LIME1: variants seen among roughly 807,000 people sequenced by gnomAD.
The protein encoded by LIME1 is lck-interacting transmembrane adapter 1.
In LIME1, 23 loss-of-function variants were observed where a neutral mutation model predicts 18.8. That is an observed-to-expected ratio of 1.22 (90% CI 0.88 to 1.73). The LOEUF (loss-of-function observed/expected upper bound fraction) is 1.73, where lower values mean the gene tolerates loss of function less well. Among genes scored for constraint, LIME1 ranks in the 40% most tolerant of loss-of-function variants. The pLI is 0.00. For synonymous variants in LIME1, 177 were observed against 182.3 expected, an observed-to-expected ratio of 0.97 and a Z score of 0.23; for missense variants, 423 against 396.8, an observed-to-expected ratio of 1.07 and a Z score of -0.56.
chr20:63,736,193 GCA>G, upstream of LIME1: 1 of 282,216 alleles, frequency 3.5e-6, no homozygotes, highest in Non-Finnish European at 6.5e-6. Flanking sequence ...AAGGGTCTGT[GCA>G]GGGCTGTGGT....
At chr20:63,737,442 C>T in intron 1 of LIME1, 91 bp from the exon 2 acceptor site, 2 of 1,385,346 alleles carry the variant, frequency 1.4e-6, no homozygotes, top group East Asian at 3.0e-5. Context: ...GACGCAGGAG[C>T]CCCGCAGCCG....
Position 63,736,731 on chromosome 20 carries a change from G to A in LIME1, c.-18+19G>A, listed in dbSNP as rs1441935732. On this transcript the variant is annotated intron_variant, in intron 1 of 5. Transcript: ENST00000309546. ...GGGCTTGGTAAGTGCCCTCCTGGGG[G>A]GCAGCTGGGGTCTGGGAGGCCTTGG... is the stretch of plus-strand genomic sequence containing the variant. 1.0e-6 allele frequency: 1 copy of A among 985,772 alleles called. No homozygotes were observed. The allele number at this position is 985,772 out of a possible 1,614,324, so 61.1% of individuals were successfully genotyped here. A position where few individuals can be genotyped will look rare whatever the true frequency, so the allele number is the denominator to read the frequency against.
chr20:63,736,068 CACTT>C, upstream of LIME1: 2 of 1,131,874 alleles, frequency 1.8e-6, no homozygotes, highest in Non-Finnish European at 2.5e-6. Flanking sequence ...CCCATCTGGA[CACTT>C]ACTTGCCCAC....
chr20:63,737,951 G>A (rs1475741624), intron 3 of LIME1, 22 bp from the exon 4 acceptor site: 3 of 1,570,516 alleles, frequency 1.9e-6, no homozygotes, highest in South Asian at 2.3e-5. Flanking sequence ...GCAGGGCACC[G>A]ACCAGCCTTC....
In LIME1 at chr20:63,737,566, C is replaced by T; in HGVS notation, c.17C>T (p.Ser6Phe). The T allele has an allele frequency of 6.3e-7, 1 of 1,597,246 alleles. No individual in the cohort carries two copies. Among genetic ancestry groups the T allele is most frequent in the South Asian group, 1.1e-5 (1 of 88,470 alleles). Residue 6 changes from serine (S) to phenylalanine (F), a missense_variant, in exon 2 of 6, where the codon TCC becomes TTC. Physicochemically the swap from Ser to Phe is radical, Grantham distance 155 (BLOSUM62 -2). Transcript: ENST00000309546. MGLPV[S>F]WAPPALWVLG... ...CTTCACAGGATGGGGCTGCCAGTGT[C>T]CTGGGCCCCTCCTGCCCTCTGGGTT...
chr20:63,738,646 G>A lies in LIME1; in HGVS notation c.634G>A (p.Gly212Arg). ...RVCKPKRRDP[G>R]PTTDPLDPKG... ...CTGCAAGCCTAAAAGGAGGGACCCA[G>A]GACCCACCACAGACCCGCTGGACCC... Residue 212 changes from glycine to arginine, a missense_variant, in exon 6 of 6, where the codon GGA (glycine) becomes AGA (arginine). Physicochemically the swap from Gly to Arg is moderately radical, Grantham distance 125. Coordinates refer to ENST00000309546, the MANE Select transcript of LIME1 (RefSeq NM_017806.4). The A allele has an allele frequency of 6.2e-7, 1 of 1,608,910 alleles. No homozygotes were observed. Among genetic ancestry groups the A allele is most frequent in the Non-Finnish European group, 8.5e-7 (1 of 1,178,068 alleles).
At chr20:63,737,753 G>A in intron 2 of LIME1, 68 bp from the exon 3 acceptor site, 5 of 1,411,330 alleles carry the variant, frequency 3.5e-6, no homozygotes, top group Middle Eastern at 5.1e-4. Context: ...CTCGGCACGC[G>A]CGCCTGCACC....
rs765891367 is a variant in LIME1, at chr20:63,738,725, TC to T, written c.716del (p.Pro239ArgfsTer45). 8 of 1,612,916 alleles carry T rather than the reference TC, an allele frequency of 5.0e-6. No homozygotes were observed. The highest frequency in any genetic ancestry group is 1.7e-4 in the Middle Eastern group (1 of 6,060). ...GCGGGTGACCTGGCCTACCAGACCCTCCCGCTCAGGGCCCTGGATGTGGACA... is the reference window on the plus strand; with the variant it reads ...GCGGGTGACCTGGCCTACCAGACCCTCCGCTCAGGGCCCTGGATGTGGACA... ...ALAGDLAYQT[L>X]PLRALDVDSG... is the part of the protein sequence containing the mutation. On this transcript the variant is annotated frameshift_variant, in exon 6 of 6. Coordinates refer to ENST00000309546, the MANE Select transcript of LIME1 (RefSeq NM_017806.4). LOFTEE classifies it low-confidence loss of function (END_TRUNC).
Position 63,738,073 on chromosome 20 carries a change from C to CGGGGGG in LIME1, c.268+17_268+18insGGGGGG, listed in dbSNP as rs150938918. The CGGGGGG allele has an allele frequency of 9.9e-5, 141 of 1,424,744 alleles. No individual in the cohort carries two copies. Among genetic ancestry groups the CGGGGGG allele is most frequent in the Middle Eastern group, 4.7e-4 (2 of 4,286 alleles). The allele number at this position is 1,424,744 out of a possible 1,614,324, so 88.3% of individuals were successfully genotyped here. On this transcript the variant is annotated intron_variant, in intron 4 of 5. Coordinates refer to ENST00000309546, the MANE Select transcript of LIME1 (RefSeq NM_017806.4). ...CGCAGCAGCAGGGGTGAGCAGAGGGCGGGGCGGGGGCGGCCGGGCGGGGCT... is the reference window on the plus strand; with the variant it reads ...CGCAGCAGCAGGGGTGAGCAGAGGGCGGGGGGGGGGCGGGGGCGGCCGGGCGGGGCT...
upstream of LIME1, chr20:63,736,589 G>A (rs113091787): frequency 0.01 from 10,179 of 986,878 alleles, 56 homozygotes; most frequent in Non-Finnish European, 0.012. Context: ...CAGGGTGGGA[G>A]GCTCAGGGGA....
Position 63,738,906 on chromosome 20 carries a change from C to T in LIME1, c.*6C>T. On this transcript the variant is annotated 3_prime_UTR_variant, in exon 6 of 6. Coordinates refer to ENST00000309546, the MANE Select transcript of LIME1 (RefSeq NM_017806.4). ...TCCCTGCCTCCCTGCCCTGAACACT[C>T]AAGGACCTGTGCTCCTTCCTCCAGA... is the stretch of plus-strand genomic sequence containing the variant. The T allele has an allele frequency of 3.2e-6, 5 of 1,574,682 alleles. No individual in the cohort carries two copies. The highest frequency in any genetic ancestry group is 4.3e-6 in the Non-Finnish European group (5 of 1,160,978).
At position 63,737,322 on chromosome 20, in the gene LIME1, G is replaced by A. The variant is rs1163545723; in HGVS notation, c.-17-211G>A. The A allele has an allele frequency of 2.3e-6, 3 of 1,292,808 alleles. No homozygotes were observed. In the South Asian group the frequency reaches 7.5e-5, roughly 32 times the overall value. The allele number at this position is 1,292,808 out of a possible 1,614,324, so 80.1% of individuals were successfully genotyped here. On this transcript the variant is annotated intron_variant, in intron 1 of 5. Transcript: ENST00000309546. ...CAGGGACACGGAGGGGCCAGGCAGA[G>A]CAGCCCTAGTTCACCTCACCGGGAG...
chr20:63,736,943 C>T (rs2091996587), intron 1 of LIME1: 2 of 985,666 alleles, frequency 2.0e-6, no homozygotes, highest in Non-Finnish European at 2.4e-6. Context: ...GGGACAGATC[C>T]TCTCTGGCAG....
chr20:63,737,388 C>T, intron 1 of LIME1, 145 bp from the exon 2 acceptor site: 1 of 1,344,100 alleles, frequency 7.4e-7, no homozygotes, highest in Non-Finnish European at 9.5e-7. Flanking sequence ...GGAGGGACTG[C>T]CAGGCCTTGG....
Position 63,738,580 on chromosome 20 carries a change from T to C in LIME1, c.586-18T>C. The C allele has an allele frequency of 1.3e-6, 2 of 1,535,788 alleles. No homozygotes were observed. Among genetic ancestry groups the C allele is most frequent in the Non-Finnish European group, 1.8e-6 (2 of 1,142,182 alleles). On this transcript the variant is annotated intron_variant, in intron 5 of 5. Coordinates refer to ENST00000309546, the MANE Select transcript of LIME1 (RefSeq NM_017806.4). ...TGGATGGTGCTGACCCCTCCTCGGG[T>C]TGGCTTCCTGTCTCCAGGTGGACGT...
In LIME1 at chr20:63,737,527, C is replaced by T. The variant is rs1318770752; in HGVS notation, c.-17-6C>T. On this transcript the variant is annotated splice_region_variant and splice_polypyrimidine_tract_variant and intron_variant, in intron 1 of 5. Coordinates refer to ENST00000309546, the MANE Select transcript of LIME1 (RefSeq NM_017806.4). ...AGCCCCCAGCGCCCCTTTCTTCTGTCCCCAGGGCCTCGGCTTCACAGGATG... is the reference window on the plus strand; with the variant it reads ...AGCCCCCAGCGCCCCTTTCTTCTGTTCCCAGGGCCTCGGCTTCACAGGATG... The T allele has an allele frequency of 2.6e-6, 4 of 1,512,362 alleles. No individual in the cohort carries two copies. Among genetic ancestry groups the T allele is most frequent in the South Asian group, 2.6e-5 (2 of 77,844 alleles). The allele number at this position is 1,512,362 out of a possible 1,614,324, so 93.7% of individuals were successfully genotyped here. A position where few individuals can be genotyped will look rare whatever the true frequency, so the allele number is the denominator to read the frequency against.
chr20:63,738,080 G>GGGGCGGCC lies in LIME1; in HGVS notation c.268+27_268+34dup. The GGGGCGGCC allele has an allele frequency of 1.3e-6, 2 of 1,527,308 alleles. No individual in the cohort carries two copies. The highest frequency in any genetic ancestry group is 1.4e-5 in the African/African-American group (1 of 72,616). 94.6% of individuals were successfully genotyped at this position (1,527,308 alleles called of 1,614,324 possible). A position where few individuals can be genotyped will look rare whatever the true frequency, so the allele number is the denominator to read the frequency against. Reference sequence around the variant, plus strand: ...GCAGGGGTGAGCAGAGGGCGGGGCGGGGGCGGCCGGGCGGGGCTTACTGTG... The same window carrying GGGGCGGCC: ...GCAGGGGTGAGCAGAGGGCGGGGCGGGGGCGGCCGGGCGGCCGGGCGGGGCTTACTGTG... On this transcript the variant is annotated intron_variant, in intron 4 of 5. Coordinates refer to ENST00000309546, the MANE Select transcript of LIME1 (RefSeq NM_017806.4).
At chr20:63,736,203 G>T (rs2091988845), upstream of LIME1, 1 of 407,516 alleles carries the variant, frequency 2.5e-6, no homozygotes, top group East Asian at 5.3e-5. Flanking sequence ...GCAGGGCTGT[G>T]GTGAGAGACG....
chr20:63,735,783 A>G (rs1410706176), upstream of LIME1: 1 of 1,600,712 alleles, frequency 6.2e-7, no homozygotes, highest in Non-Finnish European at 8.5e-7. Context: ...CTCCGCAGGC[A>G]TAGCGTGGCG....
Sources: allele counts gnomAD v4.1 joint callset, GRCh38; gene constraint gnomAD v4.1.1; transcripts MANE v1.5; gene names NCBI Gene and HGNC (gene_info 2026-07-23, HGNC 2026-07-21).